The following CDH18 variants were observed in gnomAD, a reference collection of about 807,000 sequenced individuals.
CDH18 encodes the protein cadherin 18, also known as cadherin-18.
In CDH18, 31 loss-of-function variants were observed where a neutral mutation model predicts 67.9. The ratio of observed to expected loss-of-function variants is 0.46; its 90% CI spans 0.34 to 0.62. The LOEUF (loss-of-function observed/expected upper bound fraction) is 0.62, where lower values mean the gene tolerates loss of function less well. Ranked by LOEUF, CDH18 falls within the 20% of genes least tolerant of loss-of-function variation. CDH18 has a pLI of 0.01. For missense variants in CDH18, 890 were observed against 975.5 expected (o/e 0.91, Z 1.17); for synonymous variants, 362 against 347.2 (o/e 1.04, Z -0.48).
At chr5:20,236,275 GATAA>G (rs1000288325) in intron 2 of CDH18, among the ~76,000 whole-genome samples, 3 of 150,366 alleles carry the variant, frequency 2.0e-5, no homozygotes, top group African/African-American at 7.3e-5. Flanking sequence ...TTTAAAGGAA[GATAA>G]ATAAATAAAA....
At chr5:20,416,957 G>T (rs1203522125) in intron 1 of CDH18, among the ~76,000 whole-genome samples, 3 of 151,982 alleles carry the variant, frequency 2.0e-5, no homozygotes, top group African/African-American at 7.2e-5. Context: ...ATAGTAAAAA[G>T]TTATTCCTAG....
At chr5:19,604,082 T>C (rs1175118403) in intron 6 of CDH18, among the ~76,000 whole-genome samples, 2 of 151,932 alleles carry the variant, frequency 1.3e-5, no homozygotes, top group Non-Finnish European at 2.9e-5. Context: ...TTATGGAAAA[T>C]ACACTTAAGG....
At chr5:20,243,382 T>C (rs1292336145) in intron 2 of CDH18, among the ~76,000 whole-genome samples, 1 of 152,320 alleles carries the variant, frequency 6.6e-6, no homozygotes, top group East Asian at 1.9e-4. Flanking sequence ...TTTAACTGAA[T>C]ATTGTGGCAA....
At chr5:20,410,702 AT>A (rs1487978380) in intron 1 of CDH18, among the ~76,000 whole-genome samples, 1 of 151,654 alleles carries the variant, frequency 6.6e-6, no homozygotes, top group Non-Finnish European at 1.5e-5. Context: ...TAGAAAAAAA[AT>A]ATATAAAATT....
At chr5:20,549,500 G>A (rs577535011) in intron 1 of CDH18, among the ~76,000 whole-genome samples, 3 of 152,070 alleles carry the variant, frequency 2.0e-5, no homozygotes, top group South Asian at 2.1e-4. Flanking sequence ...ACTACAGTAG[G>A]TTATAGAGGA....
At chr5:19,860,595 A>G (rs1784795402) in intron 2 of CDH18, among the ~76,000 whole-genome samples, 1 of 151,908 alleles carries the variant, frequency 6.6e-6, no homozygotes, top group African/African-American at 2.4e-5. Flanking sequence ...TAGTATATTT[A>G]TGCTTCAAGG....
chr5:20,375,822 A>G (rs1423747217), intron 1 of CDH18, among the ~76,000 whole-genome samples: 1 of 152,106 alleles, frequency 6.6e-6, no homozygotes, highest in East Asian at 1.9e-4. Context: ...AGTATTCTGC[A>G]TTGAGATTCA....
At chr5:19,553,372 G>A (rs1159786460) in intron 8 of CDH18, among the ~76,000 whole-genome samples, 2 of 151,542 alleles carry the variant, frequency 1.3e-5, no homozygotes, top group Non-Finnish European at 2.9e-5. Flanking sequence ...TGACCTGCAC[G>A]TTGTGAACAT....
chr5:19,697,215 C>T (rs767687563), intron 5 of CDH18, among the ~76,000 whole-genome samples: 3 of 152,154 alleles, frequency 2.0e-5, no homozygotes, highest in Admixed American at 6.5e-5. Context: ...CCACATACAT[C>T]CCAATATTTT....
At chr5:20,462,994 G>T (rs1390541852) in intron 1 of CDH18, among the ~76,000 whole-genome samples, 2 of 152,116 alleles carry the variant, frequency 1.3e-5, no homozygotes, top group Non-Finnish European at 2.9e-5. Flanking sequence ...GCAAAGACAG[G>T]TGCAGTTTTT....
At chr5:20,446,981 A>G (rs1455053424) in intron 1 of CDH18, among the ~76,000 whole-genome samples, 1 of 152,220 alleles carries the variant, frequency 6.6e-6, no homozygotes, top group East Asian at 1.9e-4. Flanking sequence ...GCTGAACATT[A>G]TTGAAAGTTA....
At chr5:19,934,693 C>T (rs1333938284) in intron 2 of CDH18, among the ~76,000 whole-genome samples, 1 of 151,448 alleles carries the variant, frequency 6.6e-6, no homozygotes, top group African/African-American at 2.4e-5. Flanking sequence ...TCTTAGTTAA[C>T]TCCCTCAGCA....
intron 5 of CDH18, among the ~76,000 whole-genome samples, chr5:19,616,933 T>A (rs1749930995): frequency 1.3e-5 from 2 of 152,146 alleles, no homozygotes; most frequent in South Asian, 4.1e-4. Flanking sequence ...TCTCCTTTTT[T>A]AAATTTTTTT....
At position 19,658,922 on chromosome 5, in the gene CDH18, G is replaced by A. The variant is rs533188825; in HGVS notation, c.644-46321C>T. 5.0e-3 allele frequency among the ~76,000 whole-genome samples: 754 copies of A among 151,972 alleles called. 3 individuals are homozygous for A. Among genetic ancestry groups the A allele is most frequent in the African/African-American group, 0.018 (726 of 41,474 alleles). On this transcript the variant is annotated intron_variant, in intron 5 of 12. Coordinates refer to ENST00000382275, the MANE Select transcript of CDH18 (RefSeq NM_004934.5). ...CCCAAATGTCCAACAATGATAGACT[G>A]GATTAAGAAAATGTGGCACATATAC... is the stretch of plus-strand genomic sequence containing the variant.
At chr5:19,854,540 A>G (rs1001980140) in intron 2 of CDH18, among the ~76,000 whole-genome samples, 1 of 152,114 alleles carries the variant, frequency 6.6e-6, no homozygotes, top group Non-Finnish European at 1.5e-5. Flanking sequence ...AAAATGACAT[A>G]TGTAGCTATT....
At chr5:20,333,524 T>TAC (rs1464026115) in intron 1 of CDH18, among the ~76,000 whole-genome samples, 3 of 103,352 alleles carry the variant, frequency 2.9e-5, no homozygotes, top group Middle Eastern at 4.8e-3. Flanking sequence ...AAAAACAATA[T>TAC]ATATACACAC....
At chr5:19,773,755 C>T (rs1482989496) in intron 3 of CDH18, among the ~76,000 whole-genome samples, 1 of 151,908 alleles carries the variant, frequency 6.6e-6, no homozygotes, top group Non-Finnish European at 1.5e-5. Flanking sequence ...TTTGAGCTAC[C>T]TGTAAATTCA....
At chr5:19,499,539 T>G (rs539434348) in intron 11 of CDH18, among the ~76,000 whole-genome samples, 1 of 152,238 alleles carries the variant, frequency 6.6e-6, no homozygotes, top group Admixed American at 6.5e-5. Flanking sequence ...ACTATAATTT[T>G]ATTTTGACAT....
chr5:20,015,830 A>G (rs75310804), intron 2 of CDH18, among the ~76,000 whole-genome samples: 1,746 of 152,208 alleles, frequency 0.011, 39 homozygotes, highest in African/African-American at 0.04. Context: ...TTGGTTTGGA[A>G]AAAGGACGGG....
Sources: gnomAD v4.1 joint callset for allele counts (sites outside exome capture counted in the v4.1 genomes callset) on GRCh38, gnomAD v4.1.1 for gene constraint, MANE v1.5 for transcripts, NCBI Gene and HGNC (gene_info 2026-07-23, HGNC 2026-07-21) for gene names.